Variants in BYSL observed in about 807,000 individuals in gnomAD.
The protein encoded by BYSL is bystin.
Under a neutral mutation model 45.4 loss-of-function variants are expected in BYSL, and 21 were observed. The observed-to-expected ratio is 0.46, with a 90% confidence interval of 0.33 to 0.67. The LOEUF (loss-of-function observed/expected upper bound fraction) is 0.67. Among genes scored for constraint, BYSL ranks in the 30% least tolerant of loss-of-function variants. The probability of loss-of-function intolerance (pLI) is 0.02; values close to 1 mark genes in which losing one functional copy is unlikely to be tolerated. For missense variants in BYSL, 522 were observed against 578.5 expected (o/e 0.90, Z 1.00); for synonymous variants, 215 against 231.3 (o/e 0.93, Z 0.64).
At chr6:41,918,932 C>A (rs1309940650), upstream of BYSL, among the ~76,000 whole-genome samples, 1 of 116,186 alleles carries the variant, frequency 8.6e-6, no homozygotes, top group Admixed American at 1.0e-4. Context: ...CCGGCCTGGG[C>A]GACAGAGCGA....
In BYSL at chr6:41,921,846, G is replaced by A. The variant is rs1448972336; in HGVS notation, c.268+16G>A. ...ACGCGGCTGGGTGAGTGTCTGGGATGAGGTCCGAGGAAGACAGTGGCCAGT... is the reference window on the plus strand; with the variant it reads ...ACGCGGCTGGGTGAGTGTCTGGGATAAGGTCCGAGGAAGACAGTGGCCAGT... On this transcript the variant is annotated intron_variant, in intron 1 of 6. Coordinates refer to ENST00000230340, the MANE Select transcript of BYSL (RefSeq NM_004053.4). 1.9e-6 allele frequency: 3 copies of A among 1,604,986 alleles called. No individual in the cohort carries two copies. In the East Asian group the frequency reaches 6.7e-5, roughly 36 times the overall value.
At chr6:41,920,986 A>G (rs776430671), upstream of BYSL, 1 of 1,609,064 alleles carries the variant, frequency 6.2e-7, no homozygotes. Flanking sequence ...CCGCCCCACA[A>G]AACCCCCTGC....
upstream of BYSL, chr6:41,920,841 A>AG (rs1252836129): frequency 2.5e-6 from 2 of 787,258 alleles, no homozygotes; most frequent in Non-Finnish European, 3.8e-6. Context: ...CGCATCTCTG[A>AG]GGAAACAAGC....
chr6:41,916,917 C>T (rs747406107), upstream of BYSL: 68 of 1,613,830 alleles, frequency 4.2e-5, no homozygotes, highest in South Asian at 3.6e-4. Context: ...CTCTTGCCCT[C>T]GGCCACAGGC....
At chr6:41,910,550 T>G in the BYSL span, among the ~76,000 whole-genome samples, 1 of 150,434 alleles carries the variant, frequency 6.6e-6, no homozygotes, top group Admixed American at 6.7e-5. Context: ...GAGAATCACC[T>G]GAACCCAGGA....
intron 2 of BYSL, 148 bp from the exon 3 acceptor site, chr6:41,929,984 C>T (rs1425483711): frequency 1.9e-6 from 2 of 1,041,350 alleles, no homozygotes; most frequent in South Asian, 1.6e-5. Flanking sequence ...TGAATGGGCA[C>T]AGAGAGAGAA....
At position 41,932,759 on chromosome 6, in the gene BYSL, C is replaced by A; in HGVS notation, c.*53C>A. ...GGGGTTTGGAAGGACACCAAGACCC[C>A]CGTTGGTGACTGAAGATGACACTGA... On this transcript the variant is annotated 3_prime_UTR_variant, in exon 7 of 7. Coordinates refer to ENST00000230340, the MANE Select transcript of BYSL (RefSeq NM_004053.4). The surrounding 1 kb of genome is among the most constrained non-coding windows in gnomAD (Gnocchi z 4.7). 6.6e-7 allele frequency: 1 copy of A among 1,525,506 alleles called. No homozygotes were observed. Among genetic ancestry groups the A allele is most frequent in the South Asian group, 1.2e-5 (1 of 80,392 alleles). 94.5% of individuals were successfully genotyped at this position (1,525,506 alleles called of 1,614,324 possible). A position where few individuals can be genotyped will look rare whatever the true frequency, so the allele number is the denominator to read the frequency against.
intron 1 of BYSL, 68 bp downstream of exon 1, chr6:41,921,898 G>A: frequency 6.6e-7 from 1 of 1,514,208 alleles, no homozygotes; most frequent in Non-Finnish European, 8.8e-7. Context: ...CAGCTAAAAA[G>A]TGTCTGGCAG....
chr6:41,916,861 A>G, upstream of BYSL: 1 of 1,614,010 alleles, frequency 6.2e-7, no homozygotes, highest in Non-Finnish European at 8.5e-7. Flanking sequence ...TCTCTGCCCC[A>G]AGCATCTCCA....
chr6:41,921,050 C>T (rs1267065576), upstream of BYSL: 2 of 1,610,318 alleles, frequency 1.2e-6, no homozygotes, highest in Non-Finnish European at 1.7e-6. Flanking sequence ...CAGAATCACA[C>T]AGTAGAAACG....
At chr6:41,931,360 G>T in intron 4 of BYSL, 36 bp from the exon 5 acceptor site, 1 of 1,612,496 alleles carries the variant, frequency 6.2e-7, no homozygotes. Context: ...AGACTGTCGT[G>T]TGAGTTGGAA....
the BYSL span, chr6:41,909,582 A>G: frequency 1.3e-6 from 2 of 1,585,122 alleles, no homozygotes; most frequent in South Asian, 1.2e-5. Context: ...CCCAGAGTAG[A>G]GTCAAATGAC....
In BYSL at chr6:41,927,452, C is replaced by T. The variant is rs1175833324; in HGVS notation, c.347C>T (p.Ala116Val). The T allele has an allele frequency of 6.2e-7, 1 of 1,614,046 alleles. No individual in the cohort carries two copies. The highest frequency in any genetic ancestry group is 1.7e-5 in the Admixed American group (1 of 60,000). Residue 116 changes from alanine to valine, a missense_variant, in exon 2 of 7, where the codon GCA becomes GTA. Transcript: ENST00000230340. ...CTGGAGAAGGCTGCCACAATGACAG[C>T]AGCGGGCCATCATGCAGAGGTGGTT... ...PTLEKAATMT[A>V]AGHHAEVVVD...
rs1265498915 is a variant in BYSL, at chr6:41,921,705, A to C, written c.143A>C (p.Glu48Ala). 4 of 1,613,112 alleles carry C rather than the reference A, an allele frequency of 2.5e-6. No individual in the cohort carries two copies. Among genetic ancestry groups the C allele is most frequent in the African/African-American group, 1.3e-5 (1 of 74,836 alleles). The change falls in exon 1 of 7, where the codon GAG becomes GCG. Residue 48 changes from glutamate to alanine, a missense_variant. Transcript: ENST00000230340. ...RGRGTGEAEE[E>A]YVGPRLSRRI... ...CGCGGGACAGGAGAAGCGGAGGAAG[A>C]GTATGTGGGGCCCCGGCTGAGCCGA...
the BYSL span, chr6:41,909,621 C>T: frequency 6.6e-7 from 1 of 1,519,912 alleles, no homozygotes; most frequent in Non-Finnish European, 8.9e-7. Flanking sequence ...AGACAGCAAT[C>T]TGGCACTACC....
chr6:41,909,960 C>T, the BYSL span, among the ~76,000 whole-genome samples: 5 of 152,196 alleles, frequency 3.3e-5, no homozygotes, highest in African/African-American at 1.2e-4. Flanking sequence ...CTTCTGCACA[C>T]TCTTCCTCAG....
intron 2 of BYSL, among the ~76,000 whole-genome samples, chr6:41,928,936 T>C (rs1775599249): frequency 6.6e-6 from 1 of 152,136 alleles, no homozygotes; most frequent in African/African-American, 2.4e-5. Context: ...GAGCAGTTTG[T>C]TTTTTGTTTT....
chr6:41,930,049 G>A (rs1582074048), intron 2 of BYSL, 83 bp from the exon 3 acceptor site: 2 of 1,553,958 alleles, frequency 1.3e-6, no homozygotes, highest in Non-Finnish European at 1.8e-6. Flanking sequence ...ACAGGGGACT[G>A]TGGGGAGTCT....
chr6:41,920,944 G>T (rs1290006898), upstream of BYSL: 1 of 1,582,028 alleles, frequency 6.3e-7, no homozygotes, highest in Non-Finnish European at 8.6e-7. Context: ...CATGGTCAAG[G>T]TCCTCTTTCC....
Sources: gnomAD v4.1 joint callset for allele counts (sites outside exome capture counted in the v4.1 genomes callset) on GRCh38, gnomAD v4.1.1 for gene constraint, Gnocchi (gnomAD v3.1) non-coding constraint, MANE v1.5 for transcripts, NCBI Gene and HGNC (gene_info 2026-07-23, HGNC 2026-07-21) for gene names.